ADGRV1: variants seen among roughly 807,000 people sequenced by gnomAD.
The protein encoded by ADGRV1 is adhesion G protein-coupled receptor V1, also known as G-protein coupled receptor 98.
Under a neutral mutation model 596.2 loss-of-function variants are expected in ADGRV1, and 359 were observed. That is an observed-to-expected ratio of 0.60 (90% CI 0.55 to 0.66). ADGRV1 has a LOEUF of 0.66. ADGRV1 is among the 30% of genes least tolerant of loss of function. ADGRV1 has a pLI of 0.00. For missense variants in ADGRV1, 7,274 were observed against 7,575.6 expected, an observed-to-expected ratio of 0.96 and a Z score of 1.48; for synonymous variants, 2,681 against 2,679.2, an observed-to-expected ratio of 1.00 and a Z score of -0.02.
intron 13 of ADGRV1, 79 bp downstream of exon 13, chr5:90,643,120 A>G: frequency 8.1e-7 from 1 of 1,240,698 alleles, no homozygotes; most frequent in Non-Finnish European, 1.1e-6. Flanking sequence ...AATATTTTGA[A>G]TATTGGCAAA....
chr5:90,770,317 C>T (rs922365120), intron 59 of ADGRV1, among the ~76,000 whole-genome samples: 21 of 152,138 alleles, frequency 1.4e-4, no homozygotes, highest in Non-Finnish European at 7.4e-5. Flanking sequence ...CCCCATGATT[C>T]AACACCTCCC....
At chr5:90,787,489 T>C (rs1451284990) in intron 67 of ADGRV1, among the ~76,000 whole-genome samples, 1 of 152,066 alleles carries the variant, frequency 6.6e-6, no homozygotes, top group Non-Finnish European at 1.5e-5. Context: ...TATTTTAATA[T>C]AGATTTTTAT....
At chr5:90,976,014 C>G (rs1475772628) in intron 84 of ADGRV1, among the ~76,000 whole-genome samples, 2 of 151,794 alleles carry the variant, frequency 1.3e-5, no homozygotes, top group East Asian at 1.9e-4. Context: ...ACTAATGGTA[C>G]AAAACATAAT....
rs1754545733 is a variant in ADGRV1 at position 90,745,692 on chromosome 5, A to T, written c.10871A>T (p.Gln3624Leu). Residue 3624 changes from glutamine (Q) to leucine (L), a missense_variant, in exon 52 of 90, where the codon CAA (glutamine) becomes CTA (leucine). Coordinates refer to ENST00000405460, the MANE Select transcript of ADGRV1 (RefSeq NM_032119.4). ...VPEKEESFKV[Q>L]LKNPKGGAEI... ...GAAAAAGAAGAATCCTTCAAAGTTC[A>T]ACTTAAAAATCCCAAAGGAGGAGCA... The T allele has an allele frequency of 6.2e-7, 1 of 1,612,302 alleles. No homozygotes were observed. The highest frequency in any genetic ancestry group is 8.5e-7 in the Non-Finnish European group (1 of 1,178,694).
At chr5:90,761,576 C>T (rs1756519205) in intron 58 of ADGRV1, among the ~76,000 whole-genome samples, 1 of 152,182 alleles carries the variant, frequency 6.6e-6, no homozygotes, top group Non-Finnish European at 1.5e-5. Context: ...TGAAGACCTA[C>T]ACTAGTATTC....
intron 85 of ADGRV1, among the ~76,000 whole-genome samples, chr5:91,054,272 A>G (rs1048896190): frequency 1.3e-5 from 2 of 151,954 alleles, no homozygotes; most frequent in African/African-American, 2.4e-5. Flanking sequence ...CTCATTTTTA[A>G]TTTTTTTATG....
At chr5:90,841,263 G>T (rs967857110) in intron 78 of ADGRV1, among the ~76,000 whole-genome samples, 2 of 152,202 alleles carry the variant, frequency 1.3e-5, no homozygotes, top group South Asian at 4.2e-4. Flanking sequence ...TCCAGAGGTT[G>T]GGAGCTATAG....
chr5:90,743,823 CAT>C (rs1456031493), intron 50 of ADGRV1, among the ~76,000 whole-genome samples: 1 of 151,910 alleles, frequency 6.6e-6, no homozygotes, highest in Non-Finnish European at 1.5e-5. Context: ...GGAATTTGTA[CAT>C]GTTTTTCTAT....
At chr5:90,945,218 T>A (rs796270173) in intron 83 of ADGRV1, among the ~76,000 whole-genome samples, 7 of 152,172 alleles carry the variant, frequency 4.6e-5, no homozygotes, top group African/African-American at 1.7e-4. Flanking sequence ...ATGAACTGAA[T>A]TTCTTCCTAT....
intron 1 of ADGRV1, among the ~76,000 whole-genome samples, chr5:90,596,528 C>G (rs1760641054): frequency 1.3e-5 from 2 of 152,184 alleles, no homozygotes; most frequent in South Asian, 4.1e-4. Context: ...CAGACTCCGT[C>G]TGCAATCCCC....
rs1394918201 is a variant in ADGRV1, at chr5:90,840,448, G to A, written c.16612-130G>A. 4 of 656,072 alleles carry A rather than the reference G, an allele frequency of 6.1e-6. No individual in the cohort carries two copies. In the Admixed American group the frequency reaches 1.2e-4, roughly 20 times the overall value. The allele number at this position is 656,072 out of a possible 1,614,324, so 40.6% of individuals were successfully genotyped here. On this transcript the variant is annotated intron_variant, in intron 77 of 89. Coordinates refer to ENST00000405460, the MANE Select transcript of ADGRV1 (RefSeq NM_032119.4). The stretch of plus-strand genomic sequence containing the variant: ...GAAAAGTATAAAACCCCATCTTTAG[G>A]TAGTACTGTCATCATCATTGCCCTT...
rs971264140 is a variant in ADGRV1, at chr5:90,918,413, C to T, written c.17857-47002C>T. Among the ~76,000 whole-genome samples, 8 of 152,226 alleles carry T rather than the reference C, an allele frequency of 5.3e-5. No individual in the cohort carries two copies. In the South Asian group the frequency reaches 1.5e-3, roughly 28 times the overall value. ...AATCACATTATTAGGTTTCAATGTTCGGGCTATTTTCAGCGATTTTATCTC... is the reference window on the plus strand; with the variant it reads ...AATCACATTATTAGGTTTCAATGTTTGGGCTATTTTCAGCGATTTTATCTC... On this transcript the variant is annotated intron_variant, in intron 83 of 89. Transcript: ENST00000405460.
At chr5:90,634,726 G>T (rs1315749304) in intron 9 of ADGRV1, among the ~76,000 whole-genome samples, 1 of 152,158 alleles carries the variant, frequency 6.6e-6, no homozygotes, top group Non-Finnish European at 1.5e-5. Context: ...TAGTGAAGGG[G>T]CATGGAACAG....
At chr5:90,752,306 CTTTTAT>C (rs986875953) in intron 53 of ADGRV1, among the ~76,000 whole-genome samples, 4 of 151,984 alleles carry the variant, frequency 2.6e-5, no homozygotes, top group Non-Finnish European at 5.9e-5. Flanking sequence ...ATTTTTTTAA[CTTTTAT>C]TTTAAGTTCA....
intron 20 of ADGRV1, 41 bp downstream of exon 20, chr5:90,653,993 T>G (rs994267426): frequency 6.5e-7 from 1 of 1,545,820 alleles, no homozygotes; most frequent in Non-Finnish European, 8.7e-7. Context: ...AAATTTGCAG[T>G]TTCTAAAATT....
intron 85 of ADGRV1, among the ~76,000 whole-genome samples, chr5:91,023,079 T>C (rs1267956213): frequency 6.6e-6 from 1 of 152,142 alleles, no homozygotes; most frequent in East Asian, 1.9e-4. Context: ...GATTGATTTT[T>C]CCCCATTGAA....
chr5:90,737,611 A>G (rs958503614), intron 50 of ADGRV1, among the ~76,000 whole-genome samples: 3 of 151,890 alleles, frequency 2.0e-5, no homozygotes, highest in East Asian at 1.9e-4. Flanking sequence ...AGGTGCTCCA[A>G]TGTTGGGTGT....
At chr5:90,704,354 C>T (rs1330045191) in intron 35 of ADGRV1, 35 bp from the exon 36 acceptor site, 11 of 1,266,684 alleles carry the variant, frequency 8.7e-6, no homozygotes, top group Middle Eastern at 1.9e-4. Context: ...TATTCAATAA[C>T]GACAGCGGGA....
chr5:91,103,661 AT>A (rs1175301367), intron 87 of ADGRV1, among the ~76,000 whole-genome samples: 1 of 152,036 alleles, frequency 6.6e-6, no homozygotes, highest in Non-Finnish European at 1.5e-5. Flanking sequence ...AAAATTGAGA[AT>A]TTTCACATTA....
Sources: gnomAD v4.1 joint callset for allele counts (sites outside exome capture counted in the v4.1 genomes callset) on GRCh38, gnomAD v4.1.1 for gene constraint, MANE v1.5 for transcripts, NCBI Gene and HGNC (gene_info 2026-07-23, HGNC 2026-07-21) for gene names.